ASAP1: variants seen among roughly 807,000 people sequenced by gnomAD.
The protein encoded by ASAP1 is ArfGAP with SH3 domain, ankyrin repeat and PH domain 1.
Under a neutral mutation model 145.2 loss-of-function variants are expected in ASAP1, and 43 were observed. The observed-to-expected ratio is 0.30, with a 90% confidence interval of 0.23 to 0.38. ASAP1 has a LOEUF of 0.38. Ranked by LOEUF, ASAP1 falls within the 10% of genes least tolerant of loss-of-function variation. ASAP1 has a pLI of 1.00. For synonymous variants in ASAP1, 546 were observed against 515.5 expected (o/e 1.06, Z -0.80); for missense variants, 1,018 against 1,355.3 (o/e 0.75, Z 3.91).
chr8:130,173,655 C>T (rs1813742862), intron 9 of ASAP1, among the ~76,000 whole-genome samples: 1 of 151,634 alleles, frequency 6.6e-6, no homozygotes, highest in Non-Finnish European at 1.5e-5. Flanking sequence ...GTAGTCCCTG[C>T]TACTTGGGAG....
At chr8:130,282,674 C>T (rs1821323715) in intron 3 of ASAP1, among the ~76,000 whole-genome samples, 1 of 152,168 alleles carries the variant, frequency 6.6e-6, no homozygotes, top group Non-Finnish European at 1.5e-5. Context: ...AATTACCCAA[C>T]AAAGTATCCA....
At chr8:130,072,832 G>GTGT (rs61663506) in intron 27 of ASAP1, among the ~76,000 whole-genome samples, 1 of 11,736 alleles carries the variant, frequency 8.5e-5, no homozygotes, top group African/African-American at 4.0e-4. Context: ...TGTGCGCGCG[G>GTGT]GGGGGGGCAG....
chr8:130,195,892 A>G (rs1815452743), intron 5 of ASAP1, among the ~76,000 whole-genome samples: 1 of 152,190 alleles, frequency 6.6e-6, no homozygotes, highest in South Asian at 2.1e-4. Flanking sequence ...TTCTGCTCTG[A>G]TTTTTAAAAT....
intron 3 of ASAP1, among the ~76,000 whole-genome samples, chr8:130,262,063 G>A (rs1378770259): frequency 3.3e-5 from 5 of 152,098 alleles, no homozygotes; most frequent in African/African-American, 1.2e-4. Flanking sequence ...GGGAAAAAAT[G>A]TATTTTATAC....
intron 1 of ASAP1, among the ~76,000 whole-genome samples, chr8:130,417,117 AAACCCATGTACAACTGCACACAGAAATAC>A (rs1285414745): frequency 1.3e-5 from 2 of 152,088 alleles, no homozygotes; most frequent in East Asian, 3.8e-4. Flanking sequence ...CACAGAAGTG[AAACCCATGTACAACTGCACACAGAAATAC>A]AACCCATGTA....
At chr8:130,168,164 C>G (rs1475015047) in intron 10 of ASAP1, among the ~76,000 whole-genome samples, 2 of 151,988 alleles carry the variant, frequency 1.3e-5, no homozygotes, top group African/African-American at 4.8e-5. Flanking sequence ...ATATAAAAGG[C>G]ATTCTTTGTA....
intron 25 of ASAP1, among the ~76,000 whole-genome samples, chr8:130,089,142 T>C (rs1393763116): frequency 6.6e-6 from 1 of 152,146 alleles, no homozygotes; most frequent in African/African-American, 2.4e-5. Context: ...TGGGGAGTTT[T>C]ACTGGACTGC....
At chr8:130,096,713 G>A (rs2097518565) in intron 24 of ASAP1, among the ~76,000 whole-genome samples, 1 of 152,174 alleles carries the variant, frequency 6.6e-6, no homozygotes, top group Admixed American at 6.5e-5. Flanking sequence ...TCATCTAGGA[G>A]CATGTGTTTT....
At chr8:130,315,673 GAC>G (rs1339399396) in intron 3 of ASAP1, among the ~76,000 whole-genome samples, 1 of 152,142 alleles carries the variant, frequency 6.6e-6, no homozygotes, top group African/African-American at 2.4e-5. Flanking sequence ...CAAGTTCAAT[GAC>G]AGATATGCCC....
intron 12 of ASAP1, among the ~76,000 whole-genome samples, chr8:130,157,432 T>C (rs1297257156): frequency 6.6e-6 from 1 of 152,196 alleles, no homozygotes; most frequent in East Asian, 1.9e-4. Flanking sequence ...GCAGTTCCCC[T>C]GGCCTCATCA....
intron 3 of ASAP1, among the ~76,000 whole-genome samples, chr8:130,347,849 G>A (rs1565231992): frequency 6.6e-6 from 1 of 152,150 alleles, no homozygotes; most frequent in Non-Finnish European, 1.5e-5. Flanking sequence ...CCTCATTCTT[G>A]CCCCTCATGT....
intron 3 of ASAP1, among the ~76,000 whole-genome samples, chr8:130,317,890 G>A (rs1042283413): frequency 2.0e-5 from 3 of 152,216 alleles, no homozygotes; most frequent in Non-Finnish European, 4.4e-5. Flanking sequence ...TCCTGAGGAG[G>A]AGGGAGTGGA....
chr8:130,118,440 A>C, intron 19 of ASAP1, 49 bp downstream of exon 19: 1 of 1,552,176 alleles, frequency 6.4e-7, no homozygotes. Flanking sequence ...CACCTTTTAA[A>C]CTGATTTTCC....
At chr8:130,264,031 C>G (rs767708656) in intron 3 of ASAP1, among the ~76,000 whole-genome samples, 2 of 152,144 alleles carry the variant, frequency 1.3e-5, no homozygotes, top group African/African-American at 4.8e-5. Flanking sequence ...GAGGAAAAAA[C>G]CACAACTGGA....
At chr8:130,404,925 C>T (rs771114175) in intron 1 of ASAP1, among the ~76,000 whole-genome samples, 4 of 151,958 alleles carry the variant, frequency 2.6e-5, no homozygotes, top group Non-Finnish European at 5.9e-5. Context: ...TTAGTCTGAA[C>T]TCAGATCAAA....
rs111465023 is a variant in ASAP1, at chr8:130,327,629, T to C, written c.186+30388A>G. ...AATTAAATTTCCAACAGCAGTGGAA[T>C]AGCTGCTAAAGTAAGGTATATCCAC... On this transcript the variant is annotated intron_variant, in intron 3 of 29. Coordinates refer to ENST00000518721, the MANE Select transcript of ASAP1 (RefSeq NM_018482.4). Among the ~76,000 whole-genome samples, 474 of 152,316 alleles carry C rather than the reference T, an allele frequency of 3.1e-3. 2 individuals carry two copies. Among genetic ancestry groups the C allele is most frequent in the Non-Finnish European group, 4.9e-3 (333 of 68,022 alleles).
At chr8:130,283,587 G>GAAAAAAAAAAAA (rs71304303) in intron 3 of ASAP1, among the ~76,000 whole-genome samples, 17 of 20,876 alleles carry the variant, frequency 8.1e-4, no homozygotes, top group African/African-American at 2.6e-3. Context: ...ATCACAGAAA[G>GAAAAAAAAAAAA]AAAAAAAAAA....
At chr8:130,400,324 C>T (rs921248500) in intron 2 of ASAP1, among the ~76,000 whole-genome samples, 5 of 152,210 alleles carry the variant, frequency 3.3e-5, no homozygotes, top group Non-Finnish European at 7.3e-5. Flanking sequence ...TTTCATGGTT[C>T]TTCCTGTCCA....
intron 1 of ASAP1, among the ~76,000 whole-genome samples, chr8:130,415,155 G>A (rs181813082): frequency 4.6e-5 from 7 of 152,362 alleles, no homozygotes; most frequent in African/African-American, 1.7e-4. Flanking sequence ...ACAAATAAGG[G>A]AAGCATCAGG....
Sources: gnomAD v4.1 joint callset for allele counts (sites outside exome capture counted in the v4.1 genomes callset) on GRCh38, gnomAD v4.1.1 for gene constraint, MANE v1.5 for transcripts, NCBI Gene and HGNC (gene_info 2026-07-23, HGNC 2026-07-21) for gene names.